EML2: variants seen among roughly 807,000 people sequenced by gnomAD.
The protein encoded by EML2 is EMAP like 2.
EML2 carries 59 observed loss-of-function variants against 84.7 expected under a neutral mutation model. That is an observed-to-expected ratio of 0.70 (90% confidence interval 0.56 to 0.86). EML2 has a LOEUF of 0.86. Among genes scored for constraint, EML2 ranks in the 40% least tolerant of loss-of-function variants. The pLI is 0.00. For missense variants in EML2, 818 were observed against 855.6 expected, an observed-to-expected ratio of 0.96 and a Z score of 0.55; for synonymous variants, 352 against 348.9, an observed-to-expected ratio of 1.01 and a Z score of -0.10.
intron 14 of EML2, 73 bp downstream of exon 14, chr19:45,616,692 C>A: frequency 2.0e-6 from 3 of 1,471,244 alleles, no homozygotes. Flanking sequence ...AGGCTCCACC[C>A]CTCCCCCTGC....
At chr19:45,640,195 A>G (rs1343295190), upstream of EML2, 2 of 152,230 alleles carry the variant, frequency 1.3e-5, no homozygotes, top group East Asian at 3.9e-4. Flanking sequence ...CCACTGCACC[A>G]TAACTCCAGC....
At chr19:45,616,975 G>A in intron 13 of EML2, 122 bp from the exon 14 acceptor site, 1 of 723,450 alleles carries the variant, frequency 1.4e-6, no homozygotes, top group East Asian at 2.7e-5. Flanking sequence ...GCTGGGCACG[G>A]TGGCTCAGGC....
chr19:45,630,782 T>A (rs1389590077), intron 6 of EML2, among the ~76,000 whole-genome samples: 1 of 152,212 alleles, frequency 6.6e-6, no homozygotes, highest in African/African-American at 2.4e-5. Context: ...TTTACATATA[T>A]AGAGAATGAC....
chr19:45,633,796 G>T (rs1310136820), intron 4 of EML2, among the ~76,000 whole-genome samples: 2 of 152,192 alleles, frequency 1.3e-5, no homozygotes, highest in Admixed American at 1.3e-4. Context: ...CCAGGCTAGA[G>T]TGCAGTGGCA....
intron 14 of EML2, 40 bp from the exon 15 acceptor site, chr19:45,616,598 C>T: frequency 6.6e-7 from 1 of 1,522,018 alleles, no homozygotes; most frequent in Non-Finnish European, 9.1e-7. Context: ...GGCACCCAGG[C>T]TCCATCCCCT....
At chr19:45,642,169 C>T (rs1368385281), upstream of EML2, 3 of 1,527,268 alleles carry the variant, frequency 2.0e-6, no homozygotes, top group Admixed American at 6.0e-5. Context: ...AGGCGCCCGG[C>T]CCTTGGGGGT....
Position 45,614,956 on chromosome 19 carries a change from A to G in EML2, c.1598-256T>C, listed in dbSNP as rs1281773025. 7.7e-6 allele frequency: 3 copies of G among 387,098 alleles called. No homozygotes were observed. In the East Asian group the frequency reaches 1.7e-4, roughly 22 times the overall value. 24.0% of individuals were successfully genotyped at this position (387,098 alleles called of 1,614,324 possible). ...CACGTCTGTAATCCCAGGAGGCAGC[A>G]TGAGCCACAGCATCTGGCTGGATCA... On this transcript the variant is annotated intron_variant, in intron 16 of 18. Coordinates refer to ENST00000245925, the MANE Select transcript of EML2 (RefSeq NM_012155.4).
rs192667283 is a variant in EML2 at position 45,625,016 on chromosome 19, C to A, written c.742-198G>T. 2.2e-3 allele frequency among the ~76,000 whole-genome samples: 332 copies of A among 152,262 alleles called. 4 individuals carry two copies. The highest frequency in any genetic ancestry group is 3.4e-3 in the Non-Finnish European group (233 of 68,030). ...TTCGGTGGCCTAGAGGTTCTGACCACAATTGTCTTGCTTTCCTACCCCTGG... is the reference window on the plus strand; with the variant it reads ...TTCGGTGGCCTAGAGGTTCTGACCAAAATTGTCTTGCTTTCCTACCCCTGG... On this transcript the variant is annotated intron_variant, in intron 8 of 18. Transcript: ENST00000245925.
At chr19:45,642,022 G>A, upstream of EML2, 1 of 1,443,390 alleles carries the variant, frequency 6.9e-7, no homozygotes, top group Non-Finnish European at 9.1e-7. Flanking sequence ...TGGTGGGAAG[G>A]CCTTTCAAGA....
chr19:45,609,864 C>G (rs1036441462), intron 18 of EML2, 76 bp from the exon 19 acceptor site: 2 of 1,532,960 alleles, frequency 1.3e-6, no homozygotes, highest in South Asian at 2.5e-5. Context: ...CTTGTCTTGA[C>G]CCGGTTCTTT....
chr19:45,639,559 G>T (rs1226842735), upstream of EML2: 1 of 470,090 alleles, frequency 2.1e-6, no homozygotes, highest in Non-Finnish European at 3.4e-6. Flanking sequence ...GGTTCTTTCG[G>T]GGTGGGTGGG....
At chr19:45,609,876 C>A in intron 18 of EML2, 88 bp from the exon 19 acceptor site, 5 of 1,412,332 alleles carry the variant, frequency 3.5e-6, no homozygotes, top group Non-Finnish European at 3.8e-6. Context: ...CGGTTCTTTT[C>A]TGCTCTTCCT....
chr19:45,641,423 C>G, upstream of EML2: 6 of 557,884 alleles, frequency 1.1e-5, no homozygotes, highest in Non-Finnish European at 1.9e-5. Context: ...CTTCTAAAAA[C>G]TCTGGCCACG....
At position 45,616,872 on chromosome 19, in the gene EML2, G is replaced by A. The variant is rs1971146957; in HGVS notation, c.1323-19C>T. ...CAGCCATCTTGAAGGAGAGGGCGTG[G>A]TGGGGGGAGGAGGGGTGAGCTGATC... On this transcript the variant is annotated intron_variant, in intron 13 of 18. Transcript: ENST00000245925. 3.1e-6 allele frequency: 5 copies of A among 1,594,552 alleles called. No individual in the cohort carries two copies. The highest frequency in any genetic ancestry group is 4.3e-6 in the Non-Finnish European group (5 of 1,164,910).
upstream of EML2, chr19:45,639,962 C>G (rs1600234198): frequency 6.6e-6 from 1 of 152,094 alleles, no homozygotes; most frequent in South Asian, 2.1e-4. Flanking sequence ...TCATTGCACT[C>G]CAGCCTGGGC....
At chr19:45,642,282 C>T, upstream of EML2, 2 of 1,535,976 alleles carry the variant, frequency 1.3e-6, no homozygotes, top group Non-Finnish European at 1.7e-6. Context: ...CTTCCTGTAA[C>T]TGCAGCCGCT....
At chr19:45,639,156 A>G (rs1974141789) in intron 1 of EML2, 1 of 663,680 alleles carries the variant, frequency 1.5e-6, no homozygotes, top group Admixed American at 3.1e-5. Context: ...CTTCCCTCCT[A>G]ATCAGCAAGG....
At chr19:45,632,237 G>C (rs1239523668) in intron 6 of EML2, among the ~76,000 whole-genome samples, 5 of 147,160 alleles carry the variant, frequency 3.4e-5, no homozygotes. Flanking sequence ...GCCCAGGCTG[G>C]AGTGCTGTGG....
rs151198270 is a variant in EML2 at position 45,617,680 on chromosome 19, G to C, written c.1272C>G (p.Ala424=). Residue 424 remains alanine (A), a synonymous_variant, in exon 13 of 19, where the codon GCC becomes GCG. Transcript: ENST00000245925. ...SRIIEDPARS[A]GFHPSGSVLA... is the part of the protein sequence containing the mutation. Reference sequence around the variant, plus strand: ...GGACAGAGCCACTGGGGTGGAAGCCGGCTGAGCGGGCAGGGTCCTGAGAAG... The same window carrying C: ...GGACAGAGCCACTGGGGTGGAAGCCCGCTGAGCGGGCAGGGTCCTGAGAAG... 61 of 1,613,796 alleles carry C rather than the reference G, an allele frequency of 3.8e-5. No homozygotes were observed. In the South Asian group the frequency reaches 6.5e-4, roughly 17 times the overall value.
Sources: gnomAD v4.1 joint callset for allele counts (sites outside exome capture counted in the v4.1 genomes callset) on GRCh38, gnomAD v4.1.1 for gene constraint, MANE v1.5 for transcripts, NCBI Gene and HGNC (gene_info 2026-07-23, HGNC 2026-07-21) for gene names.